The following FMNL3 variants were observed in gnomAD, a reference collection of about 807,000 sequenced individuals.
The protein encoded by FMNL3 is formin like 3, also known as formin-like protein 3.
In FMNL3, 57 loss-of-function variants were observed where a neutral mutation model predicts 119.6. The ratio of observed to expected loss-of-function variants is 0.48; its 90% CI spans 0.39 to 0.59. The LOEUF (loss-of-function observed/expected upper bound fraction) is 0.59, where lower values mean the gene tolerates loss of function less well. Among genes scored for constraint, FMNL3 ranks in the 20% least tolerant of loss-of-function variants. FMNL3 has a pLI of 0.00. For missense variants in FMNL3, 1,053 were observed against 1,323.5 expected (o/e 0.80, Z 3.17); for synonymous variants, 491 against 507.3 (o/e 0.97, Z 0.43).
chr12:49,683,597 G>A (rs1202272404), intron 1 of FMNL3, among the ~76,000 whole-genome samples: 1 of 152,092 alleles, frequency 6.6e-6, no homozygotes, highest in Non-Finnish European at 1.5e-5. Context: ...TGTGCAAACT[G>A]GTCCCAGTTT....
At position 49,637,877 on chromosome 12, in the gene FMNL3, C is replaced by T; in HGVS notation, c.*7938G>A. ...TACAGGATGGATGCAGGGCACACTC[C>T]CTGCAGAGGACTCCCTGATAAGTCC... On this transcript the variant is annotated 3_prime_UTR_variant, in exon 26 of 26. Transcript: ENST00000335154. 7.0e-7 allele frequency: 1 copy of T among 1,437,084 alleles called. No homozygotes were observed. Among genetic ancestry groups the T allele is most frequent in the East Asian group, 2.3e-5 (1 of 43,906 alleles). The allele number at this position is 1,437,084 out of a possible 1,614,324, so 89.0% of individuals were successfully genotyped here. A position where few individuals can be genotyped will look rare whatever the true frequency, so the allele number is the denominator to read the frequency against.
chr12:49,656,517 G>T lies in FMNL3; in HGVS notation c.792-20C>A. 1 of 1,602,468 alleles carries T rather than the reference G, an allele frequency of 6.2e-7. No individual in the cohort carries two copies. The highest frequency in any genetic ancestry group is 8.5e-7 in the Non-Finnish European group (1 of 1,170,824). On this transcript the variant is annotated intron_variant, in intron 8 of 25. Transcript: ENST00000335154. Reference sequence around the variant, plus strand: ...TTGGTCCTAAGGGGTGAAGAAGGAAGATTAACACCCTAACTCCCCATCCTG... The same window carrying T: ...TTGGTCCTAAGGGGTGAAGAAGGAATATTAACACCCTAACTCCCCATCCTG...
In FMNL3 at chr12:49,643,206, T is replaced by A; in HGVS notation, c.*2609A>T. Reference sequence around the variant, plus strand: ...CAGAGAACCTCTGCACTGACATGTATCTGCTGATCTGCCCAGGGCTCTGAG... The same window carrying A: ...CAGAGAACCTCTGCACTGACATGTAACTGCTGATCTGCCCAGGGCTCTGAG... On this transcript the variant is annotated 3_prime_UTR_variant, in exon 26 of 26. Transcript: ENST00000335154. The A allele has an allele frequency of 1.9e-6, 3 of 1,613,714 alleles. No homozygotes were observed. The East Asian group carries it at 6.7e-5, about 36-fold the overall frequency.
intron 1 of FMNL3, among the ~76,000 whole-genome samples, chr12:49,675,321 T>C (rs1944156166): frequency 6.6e-6 from 1 of 152,228 alleles, no homozygotes; most frequent in African/African-American, 2.4e-5. Context: ...TCCTCGTGGT[T>C]AGCCAGACCC....
chr12:49,659,447 G>A (rs554589483), intron 5 of FMNL3, among the ~76,000 whole-genome samples: 62 of 152,236 alleles, frequency 4.1e-4, no homozygotes, highest in African/African-American at 1.4e-3. Flanking sequence ...GTCTCACTCT[G>A]TGGCCCAGGC....
In FMNL3 at chr12:49,643,463, C is replaced by T. The variant is rs1053969673; in HGVS notation, c.*2352G>A. ...TCCCAGACTGAGAGGATGCCCTCCA[C>T]AAGCCCCAGCTCCTTTGAGGGTAGA... On this transcript the variant is annotated 3_prime_UTR_variant, in exon 26 of 26. Coordinates refer to ENST00000335154, the MANE Select transcript of FMNL3 (RefSeq NM_175736.5). 6 of 1,506,214 alleles carry T rather than the reference C, an allele frequency of 4.0e-6. No individual in the cohort carries two copies. In the African/African-American group the frequency reaches 7.0e-5, roughly 18 times the overall value. 93.3% of individuals were successfully genotyped at this position (1,506,214 alleles called of 1,614,324 possible). A position where few individuals can be genotyped will look rare whatever the true frequency, so the allele number is the denominator to read the frequency against.
In FMNL3 at chr12:49,665,819, C is replaced by T. The variant is rs1943875926; in HGVS notation, c.368+13G>A. 6.2e-7 allele frequency: 1 copy of T among 1,614,042 alleles called. No individual in the cohort carries two copies. The highest frequency in any genetic ancestry group is 1.7e-5 in the Admixed American group (1 of 59,998). On this transcript the variant is annotated intron_variant, in intron 4 of 25. Transcript: ENST00000335154. ...GGGCCAGATGAAGAGGCTATACGGC[C>T]AATCCAACTCACCCAATGTGGTTGG...
rs190089771 is a variant in FMNL3, at chr12:49,692,988, C to T, written c.126+14067G>A. Among the ~76,000 whole-genome samples the T allele has an allele frequency of 5.9e-5, 9 of 152,210 alleles. No individual in the cohort carries two copies. In the East Asian group the frequency reaches 1.7e-3, roughly 29 times the overall value. On this transcript the variant is annotated intron_variant, in intron 1 of 25. Coordinates refer to ENST00000335154, the MANE Select transcript of FMNL3 (RefSeq NM_175736.5). ...ATCCTGAGATAGAAAGGAGCTTGTC[C>T]TGAACGAAAGAGGGCTAATGTGGAA...
At chr12:49,704,016 G>A (rs1048721674) in intron 1 of FMNL3, among the ~76,000 whole-genome samples, 4 of 152,142 alleles carry the variant, frequency 2.6e-5, no homozygotes, top group Admixed American at 6.5e-5. Flanking sequence ...TCAGATCTGA[G>A]TCACTGCTGA....
At chr12:49,671,638 C>T (rs771395702) in intron 1 of FMNL3, among the ~76,000 whole-genome samples, 1 of 152,198 alleles carries the variant, frequency 6.6e-6, no homozygotes, top group Non-Finnish European at 1.5e-5. Flanking sequence ...TGGCAGGGCT[C>T]CAATGTCCTA....
At chr12:49,693,315 A>C (rs1944656269) in intron 1 of FMNL3, among the ~76,000 whole-genome samples, 1 of 152,150 alleles carries the variant, frequency 6.6e-6, no homozygotes, top group South Asian at 2.1e-4. Flanking sequence ...AGTAGAGAAA[A>C]GGGACAGGCA....
Position 49,653,872 on chromosome 12 carries a change from C to T in FMNL3, c.1074G>A (p.Lys358=). 1.9e-6 allele frequency: 3 copies of T among 1,614,140 alleles called. No individual in the cohort carries two copies. Among genetic ancestry groups the T allele is most frequent in the Non-Finnish European group, 2.5e-6 (3 of 1,180,020 alleles). Residue 358 remains lysine (K), a splice_region_variant and synonymous_variant, in exon 12 of 26, where the codon AAG becomes AAA. Transcript: ENST00000335154. ...TKLGLEEFLQ[K]SRHTESEKLQ... Reference sequence around the variant, plus strand: ...GCTTCTCGCTCTCTGTGTGCCTTGACTTCTGGGGGAAGAGCAGAGAGTAGG... The same window carrying T: ...GCTTCTCGCTCTCTGTGTGCCTTGATTTCTGGGGGAAGAGCAGAGAGTAGG...
intron 11 of FMNL3, 142 bp downstream of exon 11, chr12:49,654,050 G>A: frequency 8.8e-7 from 1 of 1,136,708 alleles, no homozygotes; most frequent in South Asian, 1.5e-5. Context: ...GTTAGCTGCA[G>A]AGGTCCTGAG....
At chr12:49,666,952 T>C (rs1565880438) in intron 2 of FMNL3, among the ~76,000 whole-genome samples, 2 of 152,160 alleles carry the variant, frequency 1.3e-5, no homozygotes, top group Admixed American at 6.5e-5. Flanking sequence ...GGAATGGTTT[T>C]GCTGAGCTGA....
At chr12:49,703,454 T>G (rs913376445) in intron 1 of FMNL3, among the ~76,000 whole-genome samples, 4 of 152,112 alleles carry the variant, frequency 2.6e-5, no homozygotes, top group African/African-American at 9.7e-5. Context: ...GCTACTCAGA[T>G]AGGGGGTAAG....
Position 49,662,051 on chromosome 12 carries a change from T to A in FMNL3, c.369-2A>T, listed in dbSNP as rs757755096. The A allele has an allele frequency of 6.2e-7, 1 of 1,614,116 alleles. No individual in the cohort carries two copies. Among genetic ancestry groups the A allele is most frequent in the Non-Finnish European group, 8.5e-7 (1 of 1,179,996 alleles). ...TCATTCAGAAATTCCCGCACCCACC[T>A]GCAGATAAAGGAAACACAGTGGAAG... On this transcript the variant is annotated splice_acceptor_variant, in intron 4 of 25. Coordinates refer to ENST00000335154, the MANE Select transcript of FMNL3 (RefSeq NM_175736.5). LOFTEE classifies it high-confidence loss of function.
Position 49,643,626 on chromosome 12 carries a change from T to C in FMNL3, c.*2189A>G, listed in dbSNP as rs545601493. The C allele has an allele frequency of 4.3e-5, 66 of 1,544,610 alleles. No homozygotes were observed. The African/African-American group carries it at 8.4e-4, about 20-fold the overall frequency. ...GCCTGTGAAGAATGAACAGAGGGGC[T>C]AGAACAAAGAAAAAGAGCCTGTCTT... On this transcript the variant is annotated 3_prime_UTR_variant, in exon 26 of 26. Transcript: ENST00000335154.
At chr12:49,655,069 C>G (rs1943530257) in intron 9 of FMNL3, 85 bp from the exon 10 acceptor site, 2 of 1,252,490 alleles carry the variant, frequency 1.6e-6, no homozygotes, top group East Asian at 4.7e-5. Context: ...AACATCATGG[C>G]AAAGGACTGG....
intron 1 of FMNL3, among the ~76,000 whole-genome samples, chr12:49,683,697 C>A (rs1019229578): frequency 1.5e-4 from 21 of 144,274 alleles, no homozygotes; most frequent in Non-Finnish European, 1.3e-4. Flanking sequence ...GCCAGACTGA[C>A]CTACCCACAA....
Sources: allele counts gnomAD v4.1 joint callset (sites outside exome capture counted in the v4.1 genomes callset), GRCh38; gene constraint gnomAD v4.1.1; transcripts MANE v1.5; gene names NCBI Gene and HGNC (gene_info 2026-07-23, HGNC 2026-07-21).